The following ACOT9 variants were observed in gnomAD, a reference collection of about 807,000 sequenced individuals.
ACOT9 encodes acyl-CoA thioesterase 9, also known as acyl-coenzyme A thioesterase 9, mitochondrial.
A neutral mutation model predicts 39.7 loss-of-function variants in ACOT9; 34 were observed. The observed-to-expected ratio is 0.86, with a 90% CI of 0.65 to 1.14. ACOT9 has a LOEUF of 1.14. Ranked by LOEUF, ACOT9 falls within the 50% of genes most tolerant of loss-of-function variation. The probability of loss-of-function intolerance (pLI) is 0.00; values close to 1 mark genes in which losing one functional copy is unlikely to be tolerated. For missense variants in ACOT9, 313 were observed against 344.1 expected, an observed-to-expected ratio of 0.91 and a Z score of 0.71; for synonymous variants, 110 against 120.5, an observed-to-expected ratio of 0.91 and a Z score of 0.57.
intron 1 of ACOT9, among the ~76,000 whole-genome samples, chrX:23,737,206 G>A (rs1293683742): frequency 9.0e-6 from 1 of 111,099 alleles, no homozygotes; most frequent in African/African-American, 3.3e-5. Context: ...CCAGCTACTT[G>A]TGAGGCTGAG....
chrX:23,704,782 C>T lies in ACOT9; in HGVS notation c.1170G>A (p.Gln390=). The T allele has an allele frequency of 8.3e-7, 1 of 1,210,751 alleles. No homozygotes were observed. Among genetic ancestry groups the T allele is most frequent in the Admixed American group, 2.2e-5 (1 of 45,972 alleles). ...VRVHSEVASL[Q]EKQHTTTNVF... ...CATTGGTGGTTGTATGCTGCTTCTC[C>T]TGCAGGGAGGCCACTTCACTGTGTA... The change falls in exon 15 of 16, where the codon CAG becomes CAA. Residue 390 remains glutamine, a synonymous_variant. Transcript: ENST00000379303.
chrX:23,729,099 T>G (rs758855474), intron 6 of ACOT9, among the ~76,000 whole-genome samples: 3 of 111,076 alleles, frequency 2.7e-5, no homozygotes, highest in Non-Finnish European at 5.7e-5. Flanking sequence ...ACTTATTAAT[T>G]ACAAAGGGGA....
chrX:23,722,449 A>G (rs747595728), intron 7 of ACOT9, among the ~76,000 whole-genome samples: 1 of 110,157 alleles, frequency 9.1e-6, no homozygotes, highest in African/African-American at 3.3e-5. Flanking sequence ...CTGTAATCTC[A>G]GCTACTCGGG....
At chrX:23,734,424 A>G in intron 2 of ACOT9, 57 bp from the exon 3 acceptor site, 1 of 987,353 alleles carries the variant, frequency 1.0e-6, no homozygotes, top group South Asian at 2.1e-5. Context: ...AAACTAAAAG[A>G]TAAATCTGTA....
intron 1 of ACOT9, among the ~76,000 whole-genome samples, 176 bp from the exon 2 acceptor site, chrX:23,736,192 A>T (rs1295005556): frequency 8.9e-6 from 1 of 112,087 alleles, no homozygotes; most frequent in Non-Finnish European, 1.9e-5. Flanking sequence ...TCCATAAATC[A>T]TCTCTCCCAC....
intron 6 of ACOT9, among the ~76,000 whole-genome samples, chrX:23,728,418 C>T (rs5970785): frequency 0.31 from 33,969 of 109,071 alleles, 4,176 homozygotes; most frequent in East Asian, 0.49. Flanking sequence ...GGGGTGGCAG[C>T]CATAGGAAAT....
At chrX:23,721,812 T>C in intron 8 of ACOT9, 69 bp downstream of exon 8, 1 of 923,546 alleles carries the variant, frequency 1.1e-6, no homozygotes, top group Non-Finnish European at 1.5e-6. Flanking sequence ...CATAGGTAAA[T>C]AAGCTTTTCT....
intron 4 of ACOT9, among the ~76,000 whole-genome samples, 195 bp from the exon 5 acceptor site, chrX:23,731,181 A>T (rs954594943): frequency 1.8e-5 from 2 of 112,235 alleles, no homozygotes; most frequent in African/African-American, 6.5e-5. Context: ...CTCAAGCTTA[A>T]AAACATTCTT....
Position 23,743,107 on chromosome X carries a change from C to T in ACOT9, c.20+18G>A, listed in dbSNP as rs771684936. 2.0e-5 allele frequency: 23 copies of T among 1,153,918 alleles called. No individual in the cohort carries two copies. The highest frequency in any genetic ancestry group is 4.8e-4 in the Middle Eastern group (2 of 4,190). On this transcript the variant is annotated intron_variant, in intron 1 of 15. Coordinates refer to ENST00000379303, the MANE Select transcript of ACOT9 (RefSeq NM_001037171.2). ...CAGGCTACCGCCCTGCCAGCCCCTT[C>T]CACGCCCCGCCACCTACCGCAGTGC...
At chrX:23,716,974 C>T (rs184351324) in intron 8 of ACOT9, among the ~76,000 whole-genome samples, 1 of 111,767 alleles carries the variant, frequency 8.9e-6, no homozygotes, top group East Asian at 2.8e-4. Context: ...TCTGCCTCAG[C>T]CTCCGCAGTA....
intron 9 of ACOT9, among the ~76,000 whole-genome samples, chrX:23,711,801 A>G (rs975763479): frequency 9.0e-6 from 1 of 111,433 alleles, no homozygotes; most frequent in African/African-American, 3.3e-5. Context: ...TGAGTGGGAC[A>G]ACCTGTACCT....
At chrX:23,722,318 C>T (rs1262987707) in intron 7 of ACOT9, among the ~76,000 whole-genome samples, 1 of 111,662 alleles carries the variant, frequency 9.0e-6, no homozygotes, top group Non-Finnish European at 1.9e-5. Context: ...AATCCCAGCA[C>T]TTTGGGAGGC....
chrX:23,703,827 G>T lies in ACOT9; in HGVS notation c.*67C>A. The T allele has an allele frequency of 1.1e-6, 1 of 914,850 alleles. No homozygotes were observed. Among genetic ancestry groups the T allele is most frequent in the South Asian group, 2.1e-5 (1 of 48,677 alleles). 75.4% of individuals were successfully genotyped at this position (914,850 alleles called of 1,213,427 possible). ...AAGCAATACTAAAATCAATACACTCGATCAGGTCTTCATCAGATACCACGT... is the reference window on the plus strand; with the variant it reads ...AAGCAATACTAAAATCAATACACTCTATCAGGTCTTCATCAGATACCACGT... On this transcript the variant is annotated 3_prime_UTR_variant, in exon 16 of 16. Transcript: ENST00000379303.
At chrX:23,720,416 A>C (rs752853935) in intron 8 of ACOT9, among the ~76,000 whole-genome samples, 1 of 111,457 alleles carries the variant, frequency 9.0e-6, no homozygotes, top group African/African-American at 3.3e-5. Flanking sequence ...TTGCAGACAT[A>C]ATTAGTTAAG....
At chrX:23,730,500 T>A in intron 6 of ACOT9, 27 bp downstream of exon 6, 1 of 1,150,464 alleles carries the variant, frequency 8.7e-7, no homozygotes, top group South Asian at 1.8e-5. Flanking sequence ...TAGGTATCTA[T>A]TAGAAAGACT....
chrX:23,718,458 G>C (rs1929157408), intron 8 of ACOT9, among the ~76,000 whole-genome samples: 1 of 112,331 alleles, frequency 8.9e-6, no homozygotes, highest in Admixed American at 9.5e-5. Context: ...AGTTCCACTG[G>C]TTCTCTCTCA....
chrX:23,704,997 GAAGA>G lies in ACOT9; in HGVS notation c.1099_1102del (p.Ser367HisfsTer58), dbSNP rs1928627140. 8.3e-7 allele frequency: 1 copy of G among 1,209,802 alleles called. No individual in the cohort carries two copies. Among genetic ancestry groups the G allele is most frequent in the Non-Finnish European group, 1.1e-6 (1 of 894,374 alleles). On this transcript the variant is annotated frameshift_variant, in exon 14 of 16. Transcript: ENST00000379303. LOFTEE classifies it high-confidence loss of function. Reference sequence around the variant, plus strand: ...CATCTCTCATCACACACCTACCTGTGAAGAAAGAAAGAGCAATGAGCCAACCTCA... The same window carrying G: ...CATCTCTCATCACACACCTACCTGTGAAGAAAGAGCAATGAGCCAACCTCA...
intron 8 of ACOT9, among the ~76,000 whole-genome samples, chrX:23,716,082 G>A (rs1929067553): frequency 8.9e-6 from 1 of 111,860 alleles, no homozygotes; most frequent in Non-Finnish European, 1.9e-5. Flanking sequence ...GGTGCCAGGA[G>A]AGCAAGTCAA....
intron 1 of ACOT9, among the ~76,000 whole-genome samples, chrX:23,737,872 CTT>C (rs761904560): frequency 1.3e-5 from 1 of 75,192 alleles, no homozygotes; most frequent in Non-Finnish European, 2.4e-5. Flanking sequence ...TAATATTTGT[CTT>C]TTTTTTTTTT....
Sources: gnomAD v4.1 joint callset for allele counts (sites outside exome capture counted in the v4.1 genomes callset) on GRCh38, gnomAD v4.1.1 for gene constraint, MANE v1.5 for transcripts, NCBI Gene and HGNC (gene_info 2026-07-23, HGNC 2026-07-21) for gene names.